HMG20A: variants seen among roughly 807,000 people sequenced by gnomAD.
HMG20A encodes the protein high mobility group protein 20A.
In HMG20A, 17 loss-of-function variants were observed where a neutral mutation model predicts 43.9. The observed-to-expected ratio is 0.39, with a 90% CI of 0.27 to 0.58. HMG20A has a LOEUF of 0.58. Among genes scored for constraint, HMG20A ranks in the 20% least tolerant of loss-of-function variants. HMG20A has a pLI of 0.59. For missense variants in HMG20A, 341 were observed against 438.2 expected, an observed-to-expected ratio of 0.78 and a Z score of 1.98; for synonymous variants, 132 against 147.5, an observed-to-expected ratio of 0.89 and a Z score of 0.76.
the HMG20A span, among the ~76,000 whole-genome samples, chr15:77,508,041 GCA>G: frequency 2.0e-5 from 3 of 152,052 alleles, no homozygotes; most frequent in Non-Finnish European, 4.4e-5. Context: ...CAAGCCCTAC[GCA>G]CACAGTCTCC....
At chr15:77,500,123 G>A in the HMG20A span, among the ~76,000 whole-genome samples, 1 of 152,214 alleles carries the variant, frequency 6.6e-6, no homozygotes, top group East Asian at 1.9e-4. Flanking sequence ...GAGCCACTGC[G>A]CCCAGCCATA....
At chr15:77,442,398 TG>T (rs968779524) in intron 1 of HMG20A, among the ~76,000 whole-genome samples, 1 of 152,216 alleles carries the variant, frequency 6.6e-6, no homozygotes, top group Non-Finnish European at 1.5e-5. Flanking sequence ...ACTGAATCTG[TG>T]CTGTGTGTTA....
intron 1 of HMG20A, among the ~76,000 whole-genome samples, chr15:77,430,629 C>T (rs116195760): frequency 0.01 from 1,571 of 152,212 alleles, 27 homozygotes; most frequent in African/African-American, 0.036. Flanking sequence ...TTTTATGGGG[C>T]GGAGCAGACA....
At chr15:77,510,750 A>G in the HMG20A span, among the ~76,000 whole-genome samples, 4 of 152,160 alleles carry the variant, frequency 2.6e-5, no homozygotes, top group Non-Finnish European at 5.9e-5. Flanking sequence ...CTGGCTCATT[A>G]TGGTCTGGTG....
At chr15:77,508,079 CT>C in the HMG20A span, among the ~76,000 whole-genome samples, 1 of 152,182 alleles carries the variant, frequency 6.6e-6, no homozygotes. Context: ...TTGTTTTCCT[CT>C]AATAACAATG....
At chr15:77,449,907 C>T (rs144979624) in intron 1 of HMG20A, among the ~76,000 whole-genome samples, 31 of 152,158 alleles carry the variant, frequency 2.0e-4, no homozygotes, top group African/African-American at 7.2e-4. Context: ...CATTGTATCA[C>T]GTAGAAAGTT....
chr15:77,518,731 C>T, the HMG20A span, among the ~76,000 whole-genome samples: 3 of 152,182 alleles, frequency 2.0e-5, no homozygotes, highest in Admixed American at 6.5e-5. Flanking sequence ...CTGGGCTTCT[C>T]TACACTCAAG....
Position 77,474,916 on chromosome 15 carries a change from G to A in HMG20A, c.616-2639G>A, listed in dbSNP as rs138567945. Among the ~76,000 whole-genome samples, 209 of 152,156 alleles carry A rather than the reference G, an allele frequency of 1.4e-3. 2 individuals carry two copies. In the East Asian group the frequency reaches 0.035, roughly 26 times the overall value. ...TCTCTTAACCTCCACTCAATATATA[G>A]AATGGAAACCAAAGTGAAGAATATT... is the stretch of plus-strand genomic sequence containing the variant. On this transcript the variant is annotated intron_variant, in intron 6 of 9. Coordinates refer to ENST00000336216, the MANE Select transcript of HMG20A (RefSeq NM_001304504.2).
intron 1 of HMG20A, among the ~76,000 whole-genome samples, chr15:77,423,937 C>T (rs902585310): frequency 1.3e-5 from 2 of 152,164 alleles, no homozygotes; most frequent in East Asian, 1.9e-4. Context: ...ATACCCTTTA[C>T]GTGACTTTTC....
At chr15:77,427,028 A>G (rs530074829) in intron 1 of HMG20A, among the ~76,000 whole-genome samples, 1 of 152,268 alleles carries the variant, frequency 6.6e-6, no homozygotes, top group Non-Finnish European at 1.5e-5. Flanking sequence ...GATTAGGTCA[A>G]GGATGTGGTA....
chr15:77,506,938 G>T, the HMG20A span, among the ~76,000 whole-genome samples: 11 of 152,228 alleles, frequency 7.2e-5, no homozygotes, highest in Admixed American at 1.3e-4. Flanking sequence ...TTCATGCTAT[G>T]TGTCCACTTG....
chr15:77,449,399 C>T (rs2073710713), intron 1 of HMG20A, among the ~76,000 whole-genome samples: 1 of 152,134 alleles, frequency 6.6e-6, no homozygotes, highest in African/African-American at 2.4e-5. Context: ...CAGGATTAGC[C>T]AGTGTTCTCA....
At chr15:77,474,171 A>G (rs1170868810) in intron 6 of HMG20A, among the ~76,000 whole-genome samples, 1 of 152,202 alleles carries the variant, frequency 6.6e-6, no homozygotes, top group African/African-American at 2.4e-5. Context: ...GGACTTAAAA[A>G]TGACCTAGGT....
rs1333775259 is a variant in HMG20A at position 77,467,306 on chromosome 15, A to G, written c.449A>G (p.Gln150Arg). The G allele has an allele frequency of 6.2e-7, 1 of 1,607,570 alleles. No homozygotes were observed. Among genetic ancestry groups the G allele is most frequent in the East Asian group, 2.2e-5 (1 of 44,820 alleles). The change falls in exon 4 of 10, where the codon CAG (glutamine) becomes CGG (arginine). Residue 150 changes from glutamine to arginine, a missense_variant and splice_region_variant. Around this residue, in one of 3 missense-constraint regions of HMG20A, gnomAD observed 220 missense variants for 263.6 expected, o/e 0.83. Transcript: ENST00000336216. ...EWSKLPPEEK[Q>R]RYLDEADRDK... ...AGTAAACTGCCTCCTGAGGAAAAAC[A>G]GGTAATTGTTCCTATTCCTGACTCT...
At chr15:77,510,277 G>T in the HMG20A span, among the ~76,000 whole-genome samples, 1 of 152,202 alleles carries the variant, frequency 6.6e-6, no homozygotes, top group African/African-American at 2.4e-5. Flanking sequence ...GGGTACAGGG[G>T]CTACCTGGCT....
chr15:77,425,065 A>G (rs1176098254), intron 1 of HMG20A, among the ~76,000 whole-genome samples: 1 of 152,152 alleles, frequency 6.6e-6, no homozygotes, highest in Non-Finnish European at 1.5e-5. Flanking sequence ...TCAAAATGCC[A>G]CTTTCTTTGA....
At chr15:77,480,315 AAAAT>A (rs202064555) in intron 9 of HMG20A, among the ~76,000 whole-genome samples, 1,695 of 151,768 alleles carry the variant, frequency 0.011, 15 homozygotes, top group Non-Finnish European at 0.014. Context: ...TTTTAAATAA[AAAAT>A]AAATAAACTC....
chr15:77,440,202 C>G (rs1161629852), intron 1 of HMG20A, among the ~76,000 whole-genome samples: 4 of 152,110 alleles, frequency 2.6e-5, no homozygotes, highest in Non-Finnish European at 5.9e-5. Flanking sequence ...TCCAATTTGT[C>G]ACTTTTCTCT....
chr15:77,438,476 C>G (rs963673234), intron 1 of HMG20A, among the ~76,000 whole-genome samples: 4 of 152,012 alleles, frequency 2.6e-5, no homozygotes, highest in African/African-American at 9.7e-5. Context: ...CAAAAAATGA[C>G]CATATTTCAC....
Sources: allele counts gnomAD v4.1 joint callset (sites outside exome capture counted in the v4.1 genomes callset), GRCh38; gene constraint gnomAD v4.1.1; regional missense constraint gnomAD v4.1.1; transcripts MANE v1.5; gene names NCBI Gene and HGNC (gene_info 2026-07-23, HGNC 2026-07-21).